The following FDX1 variants were observed in gnomAD, a reference collection of about 807,000 sequenced individuals.
FDX1 encodes ferredoxin 1, also known as adrenodoxin, mitochondrial.
A neutral mutation model predicts 14.9 loss-of-function variants in FDX1; 9 were observed. The observed-to-expected ratio is 0.60, with a 90% confidence interval of 0.36 to 1.05. The LOEUF (loss-of-function observed/expected upper bound fraction) is 1.05, where lower values mean the gene tolerates loss of function less well. Among genes scored for constraint, FDX1 ranks in the 50% least tolerant of loss-of-function variants. The pLI is 0.01. For missense variants in FDX1, 204 were observed against 237.2 expected (o/e 0.86, Z 0.92); for synonymous variants, 92 against 99.4 (o/e 0.93, Z 0.44).
Position 110,435,850 on chromosome 11 carries a change from ACAGTC to A in FDX1, c.205_209del (p.Val69LeufsTer5). On this transcript the variant is annotated frameshift_variant, in exon 2 of 4. Transcript: ENST00000260270. LOFTEE classifies it high-confidence loss of function. Reference sequence around the variant, plus strand: ...TTTTTCCAGCTCAGAAGATAAAATAACAGTCCACTTTATAAACCGTGATGGTGAAA... The same window carrying A: ...TTTTTCCAGCTCAGAAGATAAAATAACACTTTATAAACCGTGATGGTGAAA... 1 of 1,604,284 alleles carries A rather than the reference ACAGTC, an allele frequency of 6.2e-7. No homozygotes were observed. The highest frequency in any genetic ancestry group is 1.1e-5 in the South Asian group (1 of 88,568).
intron 2 of FDX1, among the ~76,000 whole-genome samples, chr11:110,450,902 A>G (rs1178396771): frequency 6.6e-6 from 1 of 152,150 alleles, no homozygotes; most frequent in African/African-American, 2.4e-5. Flanking sequence ...AAGACACTAA[A>G]AGCTGACAGC....
chr11:110,457,081 A>G, intron 3 of FDX1, 34 bp downstream of exon 3: 1 of 1,588,926 alleles, frequency 6.3e-7, no homozygotes, highest in Non-Finnish European at 8.6e-7. Flanking sequence ...TTGTAATAAT[A>G]ATCTGGGAAC....
chr11:110,461,378 C>T (rs1946555086), intron 3 of FDX1, among the ~76,000 whole-genome samples: 1 of 151,538 alleles, frequency 6.6e-6, no homozygotes, highest in Non-Finnish European at 1.5e-5. Context: ...TGCCTGTAGT[C>T]CCCGCTACTT....
Position 110,464,746 on chromosome 11 carries a change from T to A in FDX1, c.*2278T>A, listed in dbSNP as rs1565387161. 6.6e-6 allele frequency: 1 copy of A among 152,230 alleles called. No individual in the cohort carries two copies. Among genetic ancestry groups the A allele is most frequent in the Non-Finnish European group, 1.5e-5 (1 of 68,040 alleles). The allele number at this position is 152,230 out of a possible 1,614,324, so 9.4% of individuals were successfully genotyped here. A position where few individuals can be genotyped will look rare whatever the true frequency, so the allele number is the denominator to read the frequency against. ...AACTCTCCTTCCAGAGCTACTTTAA[T>A]GATTATATTCAACCAAAGCACTCTA... On this transcript the variant is annotated 3_prime_UTR_variant, in exon 4 of 4. Transcript: ENST00000260270.
At chr11:110,429,839 A>C, upstream of FDX1, 1 of 284,704 alleles carries the variant, frequency 3.5e-6, no homozygotes. Context: ...GAGGGTTGGT[A>C]AAGGCCCCCT....
At chr11:110,431,462 T>A (rs1430679906) in intron 1 of FDX1, among the ~76,000 whole-genome samples, 1 of 152,178 alleles carries the variant, frequency 6.6e-6, no homozygotes, top group Non-Finnish European at 1.5e-5. Context: ...CTTTCAGTCA[T>A]CTTTTCCCCA....
At chr11:110,453,135 G>A (rs1444456671) in intron 2 of FDX1, among the ~76,000 whole-genome samples, 1 of 152,162 alleles carries the variant, frequency 6.6e-6, no homozygotes, top group African/African-American at 2.4e-5. Flanking sequence ...TCAGGAGTTT[G>A]AGACCAGCCT....
chr11:110,460,769 A>G (rs925755673), intron 3 of FDX1, among the ~76,000 whole-genome samples: 2 of 152,226 alleles, frequency 1.3e-5, no homozygotes, highest in African/African-American at 4.8e-5. Flanking sequence ...TTAGGAAACT[A>G]CCATTTGGTG....
chr11:110,453,312 C>T (rs577045821), intron 2 of FDX1, among the ~76,000 whole-genome samples: 1 of 152,198 alleles, frequency 6.6e-6, no homozygotes, highest in Admixed American at 6.5e-5. Context: ...CACTCCAGTC[C>T]AGGCAACAAG....
At chr11:110,435,590 G>GT (rs1190438301) in intron 1 of FDX1, among the ~76,000 whole-genome samples, 1 of 152,168 alleles carries the variant, frequency 6.6e-6, no homozygotes, top group Non-Finnish European at 1.5e-5. Flanking sequence ...GCTCAGGCCT[G>GT]TAATCTCAGA....
intron 3 of FDX1, among the ~76,000 whole-genome samples, chr11:110,460,684 C>T (rs1332556869): frequency 6.6e-6 from 1 of 152,198 alleles, no homozygotes; most frequent in Non-Finnish European, 1.5e-5. Context: ...AAAGTTTACT[C>T]ATTAATGCTG....
chr11:110,457,039 AACAG>A lies in FDX1; in HGVS notation c.437_440del (p.Arg147HisfsTer9). On this transcript the variant is annotated frameshift_variant, in exon 3 of 4. Coordinates refer to ENST00000260270, the MANE Select transcript of FDX1 (RefSeq NM_004109.5). LOFTEE classifies it high-confidence loss of function. ...ACATGCTCGATCTGGCATATGGACT[AACAG>A]ACAGGTAAGATTTTTGGACTGCTTC... 7.5e-6 allele frequency: 12 copies of A among 1,610,260 alleles called. No individual in the cohort carries two copies. Among genetic ancestry groups the A allele is most frequent in the South Asian group, 1.1e-5 (1 of 90,534 alleles).
intron 2 of FDX1, among the ~76,000 whole-genome samples, chr11:110,455,975 C>T (rs560542363): frequency 6.6e-6 from 1 of 152,138 alleles, no homozygotes; most frequent in African/African-American, 2.4e-5. Flanking sequence ...AGAGCAGATT[C>T]GTCCTGGTTT....
intron 3 of FDX1, 108 bp downstream of exon 3, chr11:110,457,155 G>T (rs1011529941): frequency 3.2e-6 from 3 of 937,862 alleles, no homozygotes; most frequent in Admixed American, 5.1e-5. Flanking sequence ...GTTCTACCAG[G>T]TTAAATAACA....
chr11:110,431,747 T>C (rs1341926191), intron 1 of FDX1, among the ~76,000 whole-genome samples: 4 of 152,194 alleles, frequency 2.6e-5, no homozygotes, highest in African/African-American at 4.8e-5. Flanking sequence ...CAGATTTGTT[T>C]TTTGGATTTG....
At chr11:110,444,772 A>T (rs1005065264) in intron 2 of FDX1, among the ~76,000 whole-genome samples, 1 of 135,138 alleles carries the variant, frequency 7.4e-6, no homozygotes, top group Non-Finnish European at 1.6e-5. Context: ...ATATATTTGC[A>T]GAACAACCTC....
intron 3 of FDX1, among the ~76,000 whole-genome samples, chr11:110,457,925 A>G (rs1369607015): frequency 6.6e-6 from 1 of 152,156 alleles, no homozygotes; most frequent in Non-Finnish European, 1.5e-5. Flanking sequence ...TGGATGTGAG[A>G]CTGATAACCC....
At chr11:110,444,768 T>TATATA in intron 2 of FDX1, among the ~76,000 whole-genome samples, 2 of 116,384 alleles carry the variant, frequency 1.7e-5, no homozygotes, top group African/African-American at 6.6e-5. Flanking sequence ...ATATATATAT[T>TATATA]TGCAGAACAA....
chr11:110,444,665 C>CATATAT (rs1946428532), intron 2 of FDX1, among the ~76,000 whole-genome samples: 15 of 48,892 alleles, frequency 3.1e-4, no homozygotes, highest in African/African-American at 2.2e-3. Flanking sequence ...TATATATATA[C>CATATAT]GTATATATAT....
Sources: allele counts gnomAD v4.1 joint callset (sites outside exome capture counted in the v4.1 genomes callset), GRCh38; gene constraint gnomAD v4.1.1; transcripts MANE v1.5; gene names NCBI Gene and HGNC (gene_info 2026-07-23, HGNC 2026-07-21).